CCND3: variants seen among roughly 807,000 people sequenced by gnomAD.
CCND3 encodes G1/S-specific cyclin-D3.
A neutral mutation model predicts 28.7 loss-of-function variants in CCND3; 9 were observed. The observed-to-expected ratio is 0.31, with a 90% CI of 0.19 to 0.55. The LOEUF is 0.55. Among genes scored for constraint, CCND3 ranks in the 20% least tolerant of loss-of-function variants. The pLI is 0.93. For missense variants in CCND3, 315 were observed against 385.8 expected (o/e 0.82, Z 1.54); for synonymous variants, 164 against 163.9 (o/e 1.00, Z 0.00).
intron 1 of CCND3, among the ~76,000 whole-genome samples, chr6:41,970,141 C>A (rs1761997513): frequency 6.6e-6 from 1 of 151,966 alleles, no homozygotes; most frequent in Non-Finnish European, 1.5e-5. Flanking sequence ...GAGATTGAGA[C>A]CATCTTGGCC....
At chr6:42,046,455 T>C (rs78955496) in intron 1 of CCND3, among the ~76,000 whole-genome samples, 266 of 152,328 alleles carry the variant, frequency 1.7e-3, no homozygotes, top group Admixed American at 5.0e-3. Flanking sequence ...ATCTCTGCTA[T>C]TCTTAATTCC....
At chr6:41,967,177 G>A (rs1761910910) in intron 1 of CCND3, among the ~76,000 whole-genome samples, 1 of 152,144 alleles carries the variant, frequency 6.6e-6, no homozygotes, top group South Asian at 2.1e-4. Context: ...CCTTTGCTGA[G>A]TCATGGAGAA....
intron 1 of CCND3, among the ~76,000 whole-genome samples, chr6:41,964,262 A>C (rs1761792796): frequency 6.6e-6 from 1 of 151,968 alleles, no homozygotes; most frequent in South Asian, 2.1e-4. Flanking sequence ...GGAGAGGAGC[A>C]CTTCCTCCAG....
chr6:41,946,324 C>T (rs1246648580), upstream of CCND3, among the ~76,000 whole-genome samples: 2 of 151,848 alleles, frequency 1.3e-5, no homozygotes, highest in East Asian at 1.9e-4. Context: ...TGGCCGGGCA[C>T]GGTGGCTCAC....
intron 1 of CCND3, among the ~76,000 whole-genome samples, chr6:42,021,503 G>C (rs1233160990): frequency 6.6e-6 from 1 of 152,214 alleles, no homozygotes; most frequent in African/African-American, 2.4e-5. Context: ...AAACCAATGA[G>C]ACACAGAGCC....
At chr6:42,030,163 C>T (rs573271459) in intron 1 of CCND3, 1 of 152,420 alleles carries the variant, frequency 6.6e-6, no homozygotes, top group South Asian at 2.1e-4. Context: ...TGCCCATGTC[C>T]ATCTGGGTCT....
intron 1 of CCND3, chr6:41,940,837 G>T (rs1448538257): frequency 9.1e-7 from 1 of 1,104,734 alleles, no homozygotes; most frequent in African/African-American, 1.5e-5. Context: ...TGCTCACGGA[G>T]GATTCCAAAC....
At chr6:42,012,763 TC>T (rs569906585) in intron 1 of CCND3, among the ~76,000 whole-genome samples, 14 of 152,344 alleles carry the variant, frequency 9.2e-5, no homozygotes, top group Admixed American at 9.2e-4. Flanking sequence ...AATCCTTTTT[TC>T]TTCTCATGCA....
intron 1 of CCND3, among the ~76,000 whole-genome samples, chr6:42,021,808 G>C (rs1372856289): frequency 6.6e-6 from 1 of 152,180 alleles, no homozygotes; most frequent in Non-Finnish European, 1.5e-5. Context: ...GCCTGGAAAG[G>C]TGAGTTGAGC....
At chr6:41,970,921 T>C (rs1030486602) in intron 1 of CCND3, among the ~76,000 whole-genome samples, 3 of 149,356 alleles carry the variant, frequency 2.0e-5, no homozygotes, top group Non-Finnish European at 3.0e-5. Context: ...AGTTTCTTTT[T>C]TTTTTCCCCC....
chr6:41,977,513 C>T (rs952790508), intron 1 of CCND3, among the ~76,000 whole-genome samples: 1 of 152,072 alleles, frequency 6.6e-6, no homozygotes, highest in Non-Finnish European at 1.5e-5. Context: ...ATTACAGGCA[C>T]CTGCCACGAT....
chr6:42,021,934 T>C (rs928728111), intron 1 of CCND3, among the ~76,000 whole-genome samples: 23 of 152,092 alleles, frequency 1.5e-4, no homozygotes, highest in African/African-American at 5.1e-4. Context: ...TGGGTGCCCA[T>C]AAAGGGCTGA....
chr6:42,014,091 C>T (rs1291652302), intron 1 of CCND3, among the ~76,000 whole-genome samples: 2 of 149,458 alleles, frequency 1.3e-5, no homozygotes, highest in Non-Finnish European at 3.0e-5. Flanking sequence ...CAAGGCCGGG[C>T]GCAGTGGCTC....
chr6:42,033,319 G>A (rs986387667), intron 1 of CCND3, among the ~76,000 whole-genome samples: 11 of 151,574 alleles, frequency 7.3e-5, no homozygotes, highest in African/African-American at 2.4e-4. Flanking sequence ...GTGTGATGGC[G>A]CACACCTGTA....
In CCND3 at chr6:41,941,375, C is replaced by A. The variant is rs1776009102; in HGVS notation, c.198+77G>T. 6.4e-7 allele frequency: 1 copy of A among 1,564,256 alleles called. No individual in the cohort carries two copies. Among genetic ancestry groups the A allele is most frequent in the South Asian group, 1.2e-5 (1 of 85,922 alleles). On this transcript the variant is annotated intron_variant, in intron 1 of 4. Transcript: ENST00000372991. This position sits in a 1 kb window ranked among gnomAD's most constrained non-coding sequence, Gnocchi z 6.1. ...GCATCCTGCAGATTGCTGTGGGGACCGGGATGTCCCGACAGGGCGGCCCCG... is the reference window on the plus strand; with the variant it reads ...GCATCCTGCAGATTGCTGTGGGGACAGGGATGTCCCGACAGGGCGGCCCCG...
intron 1 of CCND3, among the ~76,000 whole-genome samples, chr6:42,031,661 C>A (rs1764046874): frequency 6.6e-6 from 1 of 151,956 alleles, no homozygotes; most frequent in Non-Finnish European, 1.5e-5. Context: ...AAGAAATAAC[C>A]ACTGTTAACA....
chr6:41,935,834 C>A lies in CCND3; in HGVS notation c.*106G>T. ...TCCCTTGGGCTTTGTGAAGGGGGAA[C>A]AGACGCCCCTTCAGGCTTAGATGTG... On this transcript the variant is annotated 3_prime_UTR_variant, in exon 5 of 5. Coordinates refer to ENST00000372991, the MANE Select transcript of CCND3 (RefSeq NM_001760.5). 9.0e-7 allele frequency: 1 copy of A among 1,109,464 alleles called. No homozygotes were observed. The highest frequency in any genetic ancestry group is 1.3e-5 in the South Asian group (1 of 75,178). The allele number at this position is 1,109,464 out of a possible 1,614,324, so 68.7% of individuals were successfully genotyped here.
chr6:41,999,737 T>C (rs918034397), intron 1 of CCND3, among the ~76,000 whole-genome samples: 1 of 151,896 alleles, frequency 6.6e-6, no homozygotes. Context: ...CTACAAAAAA[T>C]TTAAAAGGCC....
intron 1 of CCND3, chr6:42,018,351 C>A (rs969290555): frequency 6.6e-6 from 1 of 151,272 alleles, no homozygotes; most frequent in East Asian, 2.0e-4. Context: ...TGCCACCATG[C>A]CCGGCTAATT....
Sources: allele counts gnomAD v4.1 joint callset (sites outside exome capture counted in the v4.1 genomes callset), GRCh38; gene constraint gnomAD v4.1.1; non-coding constraint Gnocchi (gnomAD v3.1); transcripts MANE v1.5; gene names NCBI Gene and HGNC (gene_info 2026-07-23, HGNC 2026-07-21).